The following FRMD3 variants were observed in gnomAD, a reference collection of about 807,000 sequenced individuals.
The protein encoded by FRMD3 is FERM domain-containing protein 3.
In FRMD3, 33 loss-of-function variants were observed where a neutral mutation model predicts 70.2. The observed-to-expected ratio is 0.47, with a 90% CI of 0.36 to 0.63. The LOEUF (loss-of-function observed/expected upper bound fraction) is 0.63. FRMD3 is among the 20% of genes least tolerant of loss of function. The pLI, the probability that FRMD3 is intolerant of heterozygous loss-of-function variation, is 0.00. For synonymous variants in FRMD3, 279 were observed against 255.9 expected, an observed-to-expected ratio of 1.09 and a Z score of -0.86; for missense variants, 632 against 711.4, an observed-to-expected ratio of 0.89 and a Z score of 1.27.
intron 3 of FRMD3, among the ~76,000 whole-genome samples, chr9:83,351,488 G>C (rs1231736237): frequency 1.3e-5 from 2 of 151,690 alleles, no homozygotes; most frequent in African/African-American, 2.4e-5. Flanking sequence ...TGAAGCACTA[G>C]GAGAAAATAG....
chr9:83,265,041 A>G (rs550439525), intron 13 of FRMD3, among the ~76,000 whole-genome samples: 2 of 152,324 alleles, frequency 1.3e-5, no homozygotes, highest in Admixed American at 6.5e-5. Context: ...TAACATAAAA[A>G]CAGAAACCTA....
intron 1 of FRMD3, among the ~76,000 whole-genome samples, chr9:83,425,515 C>G (rs928362685): frequency 6.6e-6 from 1 of 152,122 alleles, no homozygotes; most frequent in Admixed American, 6.6e-5. Context: ...CAGCAGGCAC[C>G]TTATTCAGAA....
chr9:83,276,946 G>A (rs973759844), intron 13 of FRMD3, among the ~76,000 whole-genome samples: 2 of 152,168 alleles, frequency 1.3e-5, no homozygotes, highest in Non-Finnish European at 2.9e-5. Context: ...CTGACTTCAG[G>A]TGATCCACCC....
chr9:83,256,746 C>G (rs778872779), intron 13 of FRMD3, among the ~76,000 whole-genome samples: 1 of 151,278 alleles, frequency 6.6e-6, no homozygotes. Context: ...ATGTGGCCAA[C>G]AAACATATGA....
intron 1 of FRMD3, among the ~76,000 whole-genome samples, chr9:83,503,538 C>T (rs1301364977): frequency 6.6e-6 from 1 of 152,210 alleles, no homozygotes; most frequent in Non-Finnish European, 1.5e-5. Context: ...GCTCTGCTGA[C>T]ACCTTGAGTA....
At chr9:83,395,705 A>G (rs909183602) in intron 1 of FRMD3, among the ~76,000 whole-genome samples, 5 of 152,150 alleles carry the variant, frequency 3.3e-5, no homozygotes, top group Non-Finnish European at 5.9e-5. Context: ...ACAACAATAA[A>G]TTTGTGCTTA....
At chr9:83,305,333 A>ACAG (rs1473428518) in intron 10 of FRMD3, among the ~76,000 whole-genome samples, 1 of 152,236 alleles carries the variant, frequency 6.6e-6, no homozygotes, top group Non-Finnish European at 1.5e-5. Flanking sequence ...GGGCAGTAAT[A>ACAG]CAGCAGCAGC....
intron 1 of FRMD3, among the ~76,000 whole-genome samples, chr9:83,457,611 A>T (rs930372061): frequency 6.6e-6 from 1 of 152,252 alleles, no homozygotes; most frequent in Non-Finnish European, 1.5e-5. Flanking sequence ...CTATGTAAAT[A>T]GTTGTTATAC....
the FRMD3 span, among the ~76,000 whole-genome samples, chr9:83,552,561 G>A: frequency 6.6e-6 from 1 of 152,094 alleles, no homozygotes; most frequent in South Asian, 2.1e-4. Flanking sequence ...TACTGTCAGT[G>A]GAGTGTTGAA....
intron 1 of FRMD3, among the ~76,000 whole-genome samples, chr9:83,434,804 T>C (rs1032892071): frequency 0.028 from 2,505 of 89,858 alleles, no homozygotes; most frequent in Admixed American, 0.045. Flanking sequence ...ATCTCTCCCC[T>C]CCCCCACCCC....
the FRMD3 span, among the ~76,000 whole-genome samples, chr9:83,576,758 G>A: frequency 1.3e-5 from 2 of 151,748 alleles, no homozygotes; most frequent in African/African-American, 4.8e-5. Flanking sequence ...CAAGGTAATT[G>A]GGCAAGAAAA....
chr9:83,261,102 G>GACAC (rs59345002), intron 13 of FRMD3, among the ~76,000 whole-genome samples: 4,823 of 133,084 alleles, frequency 0.036, 190 homozygotes, highest in African/African-American at 0.097. Context: ...AGGAAACTTA[G>GACAC]ACACACACAC....
intron 13 of FRMD3, among the ~76,000 whole-genome samples, chr9:83,264,129 A>T (rs1833118871): frequency 6.6e-6 from 1 of 152,224 alleles, no homozygotes; most frequent in African/African-American, 2.4e-5. Flanking sequence ...AGACAATGGA[A>T]TATTATTCAG....
chr9:83,255,240 A>G (rs1832647288), intron 13 of FRMD3, among the ~76,000 whole-genome samples: 1 of 152,230 alleles, frequency 6.6e-6, no homozygotes, highest in East Asian at 1.9e-4. Flanking sequence ...ACAAATCAAT[A>G]ACTGTAATTC....
intron 6 of FRMD3, among the ~76,000 whole-genome samples, chr9:83,320,501 C>T (rs1835757647): frequency 6.6e-6 from 1 of 151,566 alleles, no homozygotes; most frequent in Admixed American, 6.6e-5. Context: ...GGGATAAATC[C>T]CACCTGATCA....
At chr9:83,437,033 C>T (rs905591216) in intron 1 of FRMD3, among the ~76,000 whole-genome samples, 1 of 152,122 alleles carries the variant, frequency 6.6e-6, no homozygotes, top group Non-Finnish European at 1.5e-5. Context: ...AATGGTTCCA[C>T]CATGTAAAAT....
intron 6 of FRMD3, among the ~76,000 whole-genome samples, chr9:83,330,257 C>A (rs551016903): frequency 6.7e-6 from 1 of 150,278 alleles, no homozygotes; most frequent in South Asian, 2.1e-4. Context: ...CCAGCTACTC[C>A]GGAGGCTGAG....
At chr9:83,262,376 C>T (rs1833031753) in intron 13 of FRMD3, among the ~76,000 whole-genome samples, 1 of 152,204 alleles carries the variant, frequency 6.6e-6, no homozygotes, top group South Asian at 2.1e-4. Flanking sequence ...CTGTCATTAA[C>T]TTCTGCAAAC....
the FRMD3 span, among the ~76,000 whole-genome samples, chr9:83,550,728 T>C: frequency 9.8e-6 from 1 of 101,654 alleles, no homozygotes; most frequent in Non-Finnish European, 2.2e-5. Flanking sequence ...GTGTGTGCAT[T>C]CATGTGTGAA....
Sources: gnomAD v4.1 joint callset for allele counts (sites outside exome capture counted in the v4.1 genomes callset) on GRCh38, gnomAD v4.1.1 for gene constraint, MANE v1.5 for transcripts, NCBI Gene and HGNC (gene_info 2026-07-23, HGNC 2026-07-21) for gene names.